NDFIP2: variants seen among roughly 807,000 people sequenced by gnomAD.
NDFIP2 encodes the protein NEDD4 family-interacting protein 2.
Under a neutral mutation model 36.0 loss-of-function variants are expected in NDFIP2, and 19 were observed. That is an observed-to-expected ratio of 0.53 (90% confidence interval 0.37 to 0.77). The LOEUF (loss-of-function observed/expected upper bound fraction) is 0.77, where lower values mean the gene tolerates loss of function less well. NDFIP2 is among the 30% of genes least tolerant of loss of function. The probability of loss-of-function intolerance (pLI) is 0.00; values close to 1 mark genes in which losing one functional copy is unlikely to be tolerated. For missense variants in NDFIP2, 446 were observed against 435.8 expected (o/e 1.02, Z -0.21); for synonymous variants, 181 against 167.7 (o/e 1.08, Z -0.61).
At position 79,481,166 on chromosome 13, in the gene NDFIP2, T is replaced by TCCTCCCACCCAGCTATAC; in HGVS notation, c.-29_-12dup. On this transcript the variant is annotated 5_prime_UTR_variant, in exon 1 of 8. Transcript: ENST00000218652. Reference sequence around the variant, plus strand: ...CCCGGACTTGCCTTACTTTTCCATCTCCTCCCACCCAGCTATACCCTCCCA... The same window carrying TCCTCCCACCCAGCTATAC: ...CCCGGACTTGCCTTACTTTTCCATCTCCTCCCACCCAGCTATACCCTCCCACCCAGCTATACCCTCCCA... The TCCTCCCACCCAGCTATAC allele has an allele frequency of 2.1e-6, 3 of 1,446,856 alleles. No homozygotes were observed. The highest frequency in any genetic ancestry group is 2.7e-6 in the Non-Finnish European group (3 of 1,108,488). The allele number at this position is 1,446,856 out of a possible 1,614,324, so 89.6% of individuals were successfully genotyped here.
rs145029148 is a variant in NDFIP2 at position 79,523,833 on chromosome 13, G to T, written c.487+2858G>T. On this transcript the variant is annotated intron_variant, in intron 2 of 7. Transcript: ENST00000218652. ...GGATTGTCTACTTCAGGTGATCCTG[G>T]ACTGCAAAACCATCACGATGTCGAT... is the stretch of plus-strand genomic sequence containing the variant. Among the ~76,000 whole-genome samples, 374 of 152,300 alleles carry T rather than the reference G, an allele frequency of 2.5e-3. 1 individual carries two copies. The highest frequency in any genetic ancestry group is 8.5e-3 in the African/African-American group (352 of 41,562).
intron 1 of NDFIP2, among the ~76,000 whole-genome samples, chr13:79,507,760 AAGAT>A (rs142636998): frequency 0.011 from 1,722 of 152,170 alleles, 34 homozygotes; most frequent in African/African-American, 0.04. Context: ...CATAAAGTAA[AAGAT>A]AGTTCTATAT....
rs575613739 is a variant in NDFIP2 at position 79,516,703 on chromosome 13, A to C, written c.322-4107A>C. ...AGTTCTCTTCCTGTAGGTCTAACCT[A>C]CATCCAAATTAAAACAGAAAAGAAA... is the stretch of plus-strand genomic sequence containing the variant. On this transcript the variant is annotated intron_variant, in intron 1 of 7. Coordinates refer to ENST00000218652, the MANE Select transcript of NDFIP2 (RefSeq NM_019080.3). Among the ~76,000 whole-genome samples, 241 of 152,272 alleles carry C rather than the reference A, an allele frequency of 1.6e-3. 3 individuals are homozygous for C. The highest frequency in any genetic ancestry group is 5.4e-3 in the African/African-American group (225 of 41,554).
chr13:79,515,888 A>C (rs1406263724), intron 1 of NDFIP2, among the ~76,000 whole-genome samples: 1 of 151,552 alleles, frequency 6.6e-6, no homozygotes, highest in Non-Finnish European at 1.5e-5. Context: ...CAGGTGTTAA[A>C]AAGGTGACAC....
At chr13:79,497,784 T>C (rs1873494315) in intron 1 of NDFIP2, among the ~76,000 whole-genome samples, 1 of 133,928 alleles carries the variant, frequency 7.5e-6, no homozygotes, top group African/African-American at 2.8e-5. Context: ...TTAAATCCTT[T>C]ATCTGTGGGG....
intron 1 of NDFIP2, among the ~76,000 whole-genome samples, chr13:79,484,837 C>G (rs912643622): frequency 1.3e-5 from 2 of 152,114 alleles, no homozygotes; most frequent in Non-Finnish European, 2.9e-5. Flanking sequence ...TTTGTGAGAC[C>G]TTGCTTAGTT....
intron 2 of NDFIP2, among the ~76,000 whole-genome samples, chr13:79,522,886 G>C (rs1874639866): frequency 6.6e-6 from 1 of 152,174 alleles, no homozygotes; most frequent in Non-Finnish European, 1.5e-5. Flanking sequence ...ACTAAGTTTA[G>C]TCCTTATTCA....
At chr13:79,520,662 C>T in intron 1 of NDFIP2, 148 bp from the exon 2 acceptor site, 1 of 579,328 alleles carries the variant, frequency 1.7e-6, no homozygotes, top group East Asian at 3.2e-5. Context: ...CTTTGAAATA[C>T]TAGTGTGATT....
At chr13:79,551,403 T>G (rs1875905006) in intron 7 of NDFIP2, among the ~76,000 whole-genome samples, 2 of 151,458 alleles carry the variant, frequency 1.3e-5, no homozygotes, top group African/African-American at 2.4e-5. Context: ...CTTTAAAGAT[T>G]AACCATAGAA....
At chr13:79,540,073 T>A (rs1161786783) in intron 4 of NDFIP2, among the ~76,000 whole-genome samples, 3 of 152,224 alleles carry the variant, frequency 2.0e-5, no homozygotes, top group African/African-American at 7.2e-5. Flanking sequence ...AATACTGCTA[T>A]ATTGGTGCCC....
At chr13:79,535,204 C>T (rs988195904) in intron 3 of NDFIP2, among the ~76,000 whole-genome samples, 1 of 152,136 alleles carries the variant, frequency 6.6e-6, no homozygotes, top group Non-Finnish European at 1.5e-5. Context: ...TCCTCTCTAG[C>T]TATGAAAGTC....
In NDFIP2 at chr13:79,492,317, TCTC is replaced by T. The variant is rs568637154; in HGVS notation, c.321+10797_321+10799del. Among the ~76,000 whole-genome samples, 941 of 152,020 alleles carry T rather than the reference TCTC, an allele frequency of 6.2e-3. 8 individuals are homozygous for T. Among genetic ancestry groups the T allele is most frequent in the Non-Finnish European group, 9.8e-3 (665 of 67,974 alleles). ...GTGACAGCTTTTGTAGAACATTTGT[TCTC>T]CTCACCTCGGGAGAGCTTTCATCTA... is the stretch of plus-strand genomic sequence containing the variant. On this transcript the variant is annotated intron_variant, in intron 1 of 7. Coordinates refer to ENST00000218652, the MANE Select transcript of NDFIP2 (RefSeq NM_019080.3).
intron 2 of NDFIP2, among the ~76,000 whole-genome samples, chr13:79,530,418 CA>C (rs1378815870): frequency 6.6e-6 from 1 of 152,180 alleles, no homozygotes; most frequent in Non-Finnish European, 1.5e-5. Context: ...TGCCCAGCTC[CA>C]GCTGTGGCAA....
intron 3 of NDFIP2, among the ~76,000 whole-genome samples, chr13:79,535,034 A>C (rs1309284580): frequency 6.6e-6 from 1 of 152,212 alleles, no homozygotes; most frequent in Non-Finnish European, 1.5e-5. Flanking sequence ...CAGTGGCATA[A>C]TATAGCTGAG....
chr13:79,533,432 T>A lies in NDFIP2; in HGVS notation c.597T>A (p.Ala199=), dbSNP rs146142126. ...AGGCTAAAGCTGCTGCAATGGCAGC[T>A]GCAGCAGCAGAAACATCTCAAAGAG... ...AEKAKAAAMA[A]AAAETSQRIQ... The change falls in exon 3 of 8, where the codon GCT becomes GCA. Residue 199 remains alanine, a synonymous_variant. Coordinates refer to ENST00000218652, the MANE Select transcript of NDFIP2 (RefSeq NM_019080.3). The A allele has an allele frequency of 6.2e-4, 995 of 1,604,162 alleles. 3 individuals are homozygous for A. The highest frequency in any genetic ancestry group is 5.7e-3 in the African/African-American group (424 of 74,526).
At chr13:79,541,809 G>C (rs1398747356) in intron 4 of NDFIP2, among the ~76,000 whole-genome samples, 1 of 152,146 alleles carries the variant, frequency 6.6e-6, no homozygotes, top group East Asian at 1.9e-4. Flanking sequence ...ATATCAATAA[G>C]ACTATTTCAA....
intron 1 of NDFIP2, among the ~76,000 whole-genome samples, chr13:79,506,396 A>G (rs1166414220): frequency 6.6e-6 from 1 of 152,142 alleles, no homozygotes; most frequent in Non-Finnish European, 1.5e-5. Context: ...TTCTTTCAAA[A>G]CACCATTTTA....
chr13:79,531,930 C>CT (rs1418798153), intron 2 of NDFIP2, among the ~76,000 whole-genome samples: 1 of 152,220 alleles, frequency 6.6e-6, no homozygotes, highest in African/African-American at 2.4e-5. Context: ...AGAGGTCTGG[C>CT]TTTCGGTGTA....
intron 1 of NDFIP2, 59 bp downstream of exon 1, chr13:79,481,583 T>A: frequency 6.7e-7 from 1 of 1,488,308 alleles, no homozygotes; most frequent in Non-Finnish European, 9.0e-7. Flanking sequence ...GTCCCGAGAG[T>A]CCCTTTCCTC....
Sources: allele counts gnomAD v4.1 joint callset (sites outside exome capture counted in the v4.1 genomes callset), GRCh38; gene constraint gnomAD v4.1.1; transcripts MANE v1.5; gene names NCBI Gene and HGNC (gene_info 2026-07-23, HGNC 2026-07-21).